CSMD3: variants seen among roughly 807,000 people sequenced by gnomAD.
CSMD3 encodes CUB and sushi domain-containing protein 3.
A neutral mutation model predicts 435.2 loss-of-function variants in CSMD3; 177 were observed. The observed-to-expected ratio is 0.41, with a 90% CI of 0.36 to 0.46. CSMD3 has a LOEUF of 0.46. CSMD3 is among the 20% of genes least tolerant of loss of function. CSMD3 has a pLI of 0.34. For missense variants in CSMD3, 4,265 were observed against 4,504.6 expected, an observed-to-expected ratio of 0.95 and a Z score of 1.52; for synonymous variants, 1,656 against 1,520.5, an observed-to-expected ratio of 1.09 and a Z score of -2.07.
intron 3 of CSMD3, among the ~76,000 whole-genome samples, chr8:113,181,427 G>A (rs920341533): frequency 6.6e-6 from 1 of 152,004 alleles, no homozygotes; most frequent in African/African-American, 2.4e-5. Context: ...AGCATCAGAT[G>A]TAGATTTATG....
intron 1 of CSMD3, among the ~76,000 whole-genome samples, chr8:113,328,885 C>T (rs921760439): frequency 4.0e-5 from 6 of 151,148 alleles, no homozygotes; most frequent in Admixed American, 2.6e-4. Context: ...GGACTCCAGG[C>T]GTGCTCCACC....
intron 4 of CSMD3, among the ~76,000 whole-genome samples, chr8:113,172,177 A>T (rs1428231511): frequency 6.6e-6 from 1 of 152,114 alleles, no homozygotes; most frequent in East Asian, 1.9e-4. Context: ...CATCCATAAA[A>T]CTGTGGCAAA....
chr8:112,715,659 G>A (rs1004729958), intron 13 of CSMD3, among the ~76,000 whole-genome samples: 29 of 152,124 alleles, frequency 1.9e-4, no homozygotes, highest in South Asian at 4.1e-4. Flanking sequence ...GATGAACATC[G>A]AAGTGAAACA....
rs79926585 is a variant in CSMD3, at chr8:112,389,835, A to C, written c.5934+829T>G. Reference sequence around the variant, plus strand: ...ATATATATACTGATTCTGCAGTAAAATATTATCAATTCATCCAGAAAAAAT... The same window carrying C: ...ATATATATACTGATTCTGCAGTAAACTATTATCAATTCATCCAGAAAAAAT... On this transcript the variant is annotated intron_variant, in intron 36 of 70. Transcript: ENST00000297405. 8.0e-3 allele frequency among the ~76,000 whole-genome samples: 1,221 copies of C among 152,310 alleles called. 23 individuals carry two copies. The highest frequency in any genetic ancestry group is 0.027 in the African/African-American group (1,134 of 41,564).
intron 22 of CSMD3, among the ~76,000 whole-genome samples, chr8:112,589,836 C>T (rs1831028045): frequency 6.6e-6 from 1 of 151,974 alleles, no homozygotes; most frequent in Non-Finnish European, 1.5e-5. Flanking sequence ...CCGGTAAAGG[C>T]GAGTTGAAAA....
At chr8:112,333,328 TGG>T (rs1824253396) in intron 45 of CSMD3, among the ~76,000 whole-genome samples, 1 of 151,998 alleles carries the variant, frequency 6.6e-6, no homozygotes, top group African/African-American at 2.4e-5. Context: ...CCACCACGCC[TGG>T]CTAATTTTGT....
chr8:112,601,652 G>A (rs1366308693), intron 22 of CSMD3, among the ~76,000 whole-genome samples: 2 of 152,154 alleles, frequency 1.3e-5, no homozygotes, highest in African/African-American at 4.8e-5. Context: ...AATTCAAAGT[G>A]GGATTGTGAT....
intron 1 of CSMD3, among the ~76,000 whole-genome samples, chr8:113,341,673 G>T (rs758259963): frequency 6.6e-6 from 1 of 152,004 alleles, no homozygotes; most frequent in South Asian, 2.1e-4. Flanking sequence ...TTTGATTCCC[G>T]AAGGAGTTAA....
chr8:112,830,852 T>C (rs2132483774), intron 11 of CSMD3, among the ~76,000 whole-genome samples: 1 of 151,370 alleles, frequency 6.6e-6, no homozygotes, highest in Admixed American at 6.6e-5. Context: ...ACTGGCGCGA[T>C]CTTGGCTCAC....
chr8:112,831,917 A>G (rs1342465640), intron 11 of CSMD3, among the ~76,000 whole-genome samples: 1 of 152,142 alleles, frequency 6.6e-6, no homozygotes, highest in Non-Finnish European at 1.5e-5. Flanking sequence ...ACACCACTGG[A>G]TCTGGCTCAC....
intron 5 of CSMD3, among the ~76,000 whole-genome samples, chr8:113,073,576 G>A (rs906731534): frequency 6.6e-6 from 1 of 151,764 alleles, no homozygotes; most frequent in African/African-American, 2.4e-5. Flanking sequence ...CCAGCTTGCT[G>A]TGCCATGATT....
intron 53 of CSMD3, among the ~76,000 whole-genome samples, chr8:112,298,571 T>G (rs1820572036): frequency 6.6e-6 from 1 of 151,984 alleles, no homozygotes; most frequent in Non-Finnish European, 1.5e-5. Context: ...AGAAAATACT[T>G]ATAAAACACA....
chr8:112,774,358 G>C (rs1325048309), intron 13 of CSMD3, among the ~76,000 whole-genome samples: 1 of 151,896 alleles, frequency 6.6e-6, no homozygotes, highest in African/African-American at 2.4e-5. Flanking sequence ...CCACCTTTTA[G>C]CTGATAGTAC....
At position 113,341,833 on chromosome 8, in the gene CSMD3, G is replaced by C. The variant is rs1016465399; in HGVS notation, c.179-27040C>G. On this transcript the variant is annotated intron_variant, in intron 1 of 70. Transcript: ENST00000297405. The stretch of plus-strand genomic sequence containing the variant: ...GTCCACCGGCATTGTCTAGACTGAC[G>C]AACACTTCCAACTTTACTGCTCATA... 2.0e-5 allele frequency among the ~76,000 whole-genome samples: 3 copies of C among 151,988 alleles called. No homozygotes were observed. The East Asian group carries it at 5.8e-4, about 29-fold the overall frequency.
Position 112,304,840 on chromosome 8 carries a change from T to C in CSMD3, c.8147A>G (p.Glu2716Gly), listed in dbSNP as rs1465727774. 6.2e-7 allele frequency: 1 copy of C among 1,613,848 alleles called. No individual in the cohort carries two copies. The highest frequency in any genetic ancestry group is 8.5e-7 in the Non-Finnish European group (1 of 1,179,924). ...RWRIVNGSHY[E>G]YKTKVVFSCD... ...GCTGAAAACTACTTTGGTTTTGTAT[T>C]CATAATGGGAGCCATTCACAATTCG... Residue 2716 changes from glutamate (E) to glycine (G), a missense_variant, in exon 52 of 71, where the codon GAA (glutamate) becomes GGA (glycine). Around this residue, in one of 3 missense-constraint regions of CSMD3, gnomAD observed 3,255 missense variants for 3,380.2 expected, o/e 0.96. Coordinates refer to ENST00000297405, the MANE Select transcript of CSMD3 (RefSeq NM_198123.2).
intron 24 of CSMD3, among the ~76,000 whole-genome samples, chr8:112,571,616 C>G (rs886206515): frequency 6.6e-6 from 1 of 151,764 alleles, no homozygotes; most frequent in African/African-American, 2.4e-5. Context: ...TGCCTGTAAT[C>G]CCAGCACTTT....
chr8:112,604,214 G>T (rs899811155), intron 22 of CSMD3, among the ~76,000 whole-genome samples: 1 of 152,104 alleles, frequency 6.6e-6, no homozygotes, highest in Non-Finnish European at 1.5e-5. Context: ...AAGACCTTAA[G>T]AACTGTTTGC....
chr8:113,310,582 T>C (rs937158792), intron 2 of CSMD3: 7 of 151,792 alleles, frequency 4.6e-5, no homozygotes, highest in African/African-American at 1.4e-4. Context: ...CAAGAGAATA[T>C]GTTAAATATC....
intron 32 of CSMD3, among the ~76,000 whole-genome samples, chr8:112,463,979 G>A (rs996757793): frequency 2.0e-5 from 3 of 152,182 alleles, no homozygotes; most frequent in African/African-American, 7.2e-5. Flanking sequence ...GCTCATGCCT[G>A]TAATCCCAGC....
Sources: gnomAD v4.1 joint callset for allele counts (sites outside exome capture counted in the v4.1 genomes callset) on GRCh38, gnomAD v4.1.1 for gene constraint, gnomAD v4.1.1 regional missense constraint, MANE v1.5 for transcripts, NCBI Gene and HGNC (gene_info 2026-07-23, HGNC 2026-07-21) for gene names.